ZFHX3: variants seen among roughly 807,000 people sequenced by gnomAD.
ZFHX3 encodes the protein zinc finger homeobox 3.
A neutral mutation model predicts 279.1 loss-of-function variants in ZFHX3; 42 were observed. The ratio of observed to expected loss-of-function variants is 0.15; its 90% CI spans 0.12 to 0.19. The LOEUF (loss-of-function observed/expected upper bound fraction) is 0.19. Ranked by LOEUF, ZFHX3 falls within the 10% of genes least tolerant of loss-of-function variation. ZFHX3 has a pLI of 1.00. For missense variants in ZFHX3, 4,981 were observed against 4,754.0 expected (o/e 1.05, Z -1.40); for synonymous variants, 2,293 against 1,957.8 (o/e 1.17, Z -4.52).
At chr16:73,354,099 G>T (rs1385504810) in intron 3 of ZFHX3, among the ~76,000 whole-genome samples, 3 of 152,078 alleles carry the variant, frequency 2.0e-5, no homozygotes, top group Non-Finnish European at 4.4e-5. Context: ...TAAAAATACA[G>T]GACACCCAGT....
chr16:73,588,702 C>CAAAAAAAAA (rs35658515), intron 2 of ZFHX3, among the ~76,000 whole-genome samples: 25 of 56,374 alleles, frequency 4.4e-4, no homozygotes, highest in African/African-American at 1.4e-3. Flanking sequence ...AAACAAAAAA[C>CAAAAAAAAA]AAAACAAAAA....
chr16:73,598,027 C>G (rs183099137), intron 2 of ZFHX3, among the ~76,000 whole-genome samples: 2 of 152,192 alleles, frequency 1.3e-5, no homozygotes, highest in Admixed American at 1.3e-4. Context: ...TCCCAAATAT[C>G]TCTTCATGAG....
At chr16:72,865,183 T>A (rs1030493666) in intron 4 of ZFHX3, among the ~76,000 whole-genome samples, 12 of 152,066 alleles carry the variant, frequency 7.9e-5, no homozygotes, top group Non-Finnish European at 1.6e-4. Flanking sequence ...CTTGAAAGAG[T>A]CTCACCAACA....
At chr16:72,940,318 G>T (rs1478260267) in intron 3 of ZFHX3, among the ~76,000 whole-genome samples, 1 of 152,192 alleles carries the variant, frequency 6.6e-6, no homozygotes. Context: ...CCCAGGGAAC[G>T]AAGACCCCTT....
intron 4 of ZFHX3, among the ~76,000 whole-genome samples, chr16:73,292,014 G>T (rs923697963): frequency 6.6e-6 from 1 of 152,208 alleles, no homozygotes; most frequent in Non-Finnish European, 1.5e-5. Flanking sequence ...GCCTGGAACT[G>T]AAGTTTCTAA....
Position 72,787,701 on chromosome 16 carries a change from GCCGCCGCCGCCGCCGCCA to G in ZFHX3, c.10557_10574del (p.Gly3522_Gly3527del), listed in dbSNP as rs778016374. 1.1e-3 allele frequency: 1,435 copies of G among 1,322,506 alleles called. 253 individuals carry two copies. In the South Asian group the frequency reaches 0.012, roughly 11 times the overall value. The allele number at this position is 1,322,506 out of a possible 1,614,324, so 81.9% of individuals were successfully genotyped here. A position where few individuals can be genotyped will look rare whatever the true frequency, so the allele number is the denominator to read the frequency against. ...ACGCCAGGCAGTGGTACGAGCCGCC[GCCGCCGCCGCCGCCGCCA>G]CCGCCGCCGCCGCCGCCACTGCCAC... is the stretch of plus-strand genomic sequence containing the variant. On this transcript the variant is annotated inframe_deletion, in exon 10 of 10. Coordinates refer to ENST00000268489, the MANE Select transcript of ZFHX3 (RefSeq NM_006885.4).
chr16:73,746,692 T>C (rs1458199977), intron 1 of ZFHX3, among the ~76,000 whole-genome samples: 2 of 152,180 alleles, frequency 1.3e-5, no homozygotes, highest in Non-Finnish European at 2.9e-5. Context: ...CTGTTTGGGC[T>C]TCCCCAACAT....
At chr16:72,927,266 G>A (rs2144267759) in intron 3 of ZFHX3, among the ~76,000 whole-genome samples, 1 of 152,278 alleles carries the variant, frequency 6.6e-6, no homozygotes, top group East Asian at 1.9e-4. Flanking sequence ...CCACACCAAT[G>A]AGTCTTCTCC....
chr16:73,425,291 G>A (rs918044849), intron 3 of ZFHX3, among the ~76,000 whole-genome samples: 8 of 152,120 alleles, frequency 5.3e-5, no homozygotes, highest in Admixed American at 3.9e-4. Flanking sequence ...TGATGCTGGG[G>A]CCACTTGCAG....
chr16:73,058,909 A>G (rs1323756904), exon 1 of ZFHX3: 1 of 154,918 alleles, frequency 6.5e-6, no homozygotes, highest in Non-Finnish European at 1.3e-5. Flanking sequence ...TGTAATTGGG[A>G]TGCAAAGCAG....
chr16:73,510,043 T>C (rs1476825817), intron 2 of ZFHX3, among the ~76,000 whole-genome samples: 1 of 152,198 alleles, frequency 6.6e-6, no homozygotes, highest in Non-Finnish European at 1.5e-5. Context: ...GACAGCTGCA[T>C]GAGTTGTTCC....
intron 2 of ZFHX3, among the ~76,000 whole-genome samples, chr16:73,461,675 G>T (rs1218760444): frequency 6.6e-6 from 1 of 152,106 alleles, no homozygotes; most frequent in Non-Finnish European, 1.5e-5. Context: ...TTATACCTTT[G>T]TCAAAAATCA....
At chr16:73,843,410 C>G (rs1199833524) in intron 1 of ZFHX3, among the ~76,000 whole-genome samples, 1 of 152,174 alleles carries the variant, frequency 6.6e-6, no homozygotes, top group African/African-American at 2.4e-5. Flanking sequence ...TACTGTGGTT[C>G]ACAAAGAAAC....
At chr16:73,614,051 C>T (rs972992661) in intron 2 of ZFHX3, among the ~76,000 whole-genome samples, 1 of 152,158 alleles carries the variant, frequency 6.6e-6, no homozygotes, top group Admixed American at 6.5e-5. Flanking sequence ...TGAAATGTAA[C>T]GCTAAATGTT....
chr16:72,852,998 A>G (rs1007293206), intron 4 of ZFHX3, among the ~76,000 whole-genome samples: 12 of 152,222 alleles, frequency 7.9e-5, no homozygotes, highest in Non-Finnish European at 4.4e-5. Flanking sequence ...TTTAGGTAAC[A>G]TAAGATGGCT....
chr16:73,480,909 A>C (rs899907479), intron 2 of ZFHX3, among the ~76,000 whole-genome samples: 3 of 152,216 alleles, frequency 2.0e-5, no homozygotes, highest in Non-Finnish European at 4.4e-5. Context: ...AATAGCCTCC[A>C]TTAATCACCC....
intron 3 of ZFHX3, among the ~76,000 whole-genome samples, chr16:72,891,632 C>G (rs1480861047): frequency 6.6e-6 from 1 of 152,146 alleles, no homozygotes; most frequent in Non-Finnish European, 1.5e-5. Context: ...CAAGGTAACC[C>G]AGTTAGTTAG....
chr16:73,218,584 C>T (rs1245995458), intron 5 of ZFHX3, among the ~76,000 whole-genome samples: 1 of 152,166 alleles, frequency 6.6e-6, no homozygotes, highest in African/African-American at 2.4e-5. Flanking sequence ...GCCTGGCCAA[C>T]ATGGCAAAAC....
At chr16:73,200,434 A>C (rs1286271535) in intron 5 of ZFHX3, among the ~76,000 whole-genome samples, 1 of 152,248 alleles carries the variant, frequency 6.6e-6, no homozygotes, top group African/African-American at 2.4e-5. Flanking sequence ...AATATTATCG[A>C]ATAATCATAT....
Sources: allele counts gnomAD v4.1 joint callset (sites outside exome capture counted in the v4.1 genomes callset), GRCh38; gene constraint gnomAD v4.1.1; transcripts MANE v1.5; gene names NCBI Gene and HGNC (gene_info 2026-07-23, HGNC 2026-07-21).